SV2B: variants seen among roughly 807,000 people sequenced by gnomAD.
SV2B encodes synaptic vesicle glycoprotein 2B.
A neutral mutation model predicts 73.9 loss-of-function variants in SV2B; 41 were observed. That is an observed-to-expected ratio of 0.56 (90% confidence interval 0.43 to 0.72). SV2B has a LOEUF of 0.72. Ranked by LOEUF, SV2B falls within the 30% of genes least tolerant of loss-of-function variation. The pLI is 0.00. For synonymous variants in SV2B, 314 were observed against 314.2 expected (o/e 1.00, Z 0.01); for missense variants, 764 against 857.8 (o/e 0.89, Z 1.37).
rs201868956 is a variant in SV2B, at chr15:91,124,659, A to ATT, written c.-392+24296_-392+24297insTT. ...ACAGAAATTTCTTTCTTTCAACAAAAATTTTTTTTTTTTTGAGACAGTCTC... is the reference window on the plus strand; with the variant it reads ...ACAGAAATTTCTTTCTTTCAACAAAATTATTTTTTTTTTTTTGAGACAGTCTC... On this transcript the variant is annotated intron_variant, in intron 1 of 12. Transcript: ENST00000394232. This position sits in a 1 kb window ranked among gnomAD's most constrained non-coding sequence, Gnocchi z 4.6. 6.6e-6 allele frequency among the ~76,000 whole-genome samples: 1 copy of ATT among 151,472 alleles called. No individual in the cohort carries two copies. The highest frequency in any genetic ancestry group is 2.4e-5 in the African/African-American group (1 of 41,102).
In SV2B at chr15:91,197,554, C is replaced by G. The variant is rs60886065; in HGVS notation, c.-391-28319C>G. ...TGTTTTTAATAGAAGAAAAAAAAAACCAAACCAAACCAAACAAAACAAAAC... is the reference window on the plus strand; with the variant it reads ...TGTTTTTAATAGAAGAAAAAAAAAAGCAAACCAAACCAAACAAAACAAAAC... On this transcript the variant is annotated intron_variant, in intron 1 of 12. Transcript: ENST00000394232. The surrounding 1 kb of genome is among the most constrained non-coding windows in gnomAD (Gnocchi z 4.9). 2.0e-5 allele frequency among the ~76,000 whole-genome samples: 3 copies of G among 148,130 alleles called. No individual in the cohort carries two copies. The South Asian group carries it at 6.4e-4, about 31-fold the overall frequency.
At position 91,132,699 on chromosome 15, in the gene SV2B, C is replaced by T. The variant is rs1038816404; in HGVS notation, c.-392+32336C>T. ...TTGCCTCCAGACCCTATTTCTCCTGCCTCAGTGGCACATGCCTGTAGTCCC... is the reference window on the plus strand; with the variant it reads ...TTGCCTCCAGACCCTATTTCTCCTGTCTCAGTGGCACATGCCTGTAGTCCC... On this transcript the variant is annotated intron_variant, in intron 1 of 12. Coordinates refer to ENST00000394232, the MANE Select transcript of SV2B (RefSeq NM_001323032.3). This position sits in a 1 kb window ranked among gnomAD's most constrained non-coding sequence, Gnocchi z 4.6. Among the ~76,000 whole-genome samples, 2 of 152,006 alleles carry T rather than the reference C, an allele frequency of 1.3e-5. No individual in the cohort carries two copies. Among genetic ancestry groups the T allele is most frequent in the African/African-American group, 2.4e-5 (1 of 41,330 alleles).
chr15:91,247,271 C>A (rs1252123886), intron 2 of SV2B, among the ~76,000 whole-genome samples: 2 of 152,184 alleles, frequency 1.3e-5, no homozygotes, highest in Admixed American at 1.3e-4. Context: ...TTGACCCTTT[C>A]TGGGGCTCAG....
intron 1 of SV2B, among the ~76,000 whole-genome samples, chr15:91,184,614 G>GT (rs1266785539): frequency 2.0e-5 from 3 of 152,014 alleles, no homozygotes; most frequent in Non-Finnish European, 2.9e-5. Context: ...TCTTTAGCTT[G>GT]TTTTTTTCCA....
chr15:91,292,464 T>TCCC lies in SV2B; in HGVS notation c.1966_1968dup (p.Pro656dup). 6.2e-7 allele frequency: 1 copy of TCCC among 1,614,178 alleles called. No homozygotes were observed. The highest frequency in any genetic ancestry group is 8.5e-7 in the Non-Finnish European group (1 of 1,180,022). ...TCTTTTGTTGGGATAACCAAAGTGGTCCCCATCCTTCTGGCTGCTGCTTCT... is the reference window on the plus strand; with the variant it reads ...TCTTTTGTTGGGATAACCAAAGTGGTCCCCCCCATCCTTCTGGCTGCTGCTTCT... On this transcript the variant is annotated inframe_insertion, in exon 13 of 13. Coordinates refer to ENST00000394232, the MANE Select transcript of SV2B (RefSeq NM_001323032.3).
chr15:91,193,198 G>A (rs2045108627), intron 1 of SV2B, among the ~76,000 whole-genome samples: 2 of 152,156 alleles, frequency 1.3e-5, no homozygotes, highest in Non-Finnish European at 2.9e-5. Flanking sequence ...AAGACGTAAG[G>A]GAGCCCCTGC....
rs1434504577 is a variant in SV2B, at chr15:91,236,189, T to G, written c.451+9475T>G. ...TTGGCAATGTCACCTTCAAAGACTTTAATGAGTTGTTTTTCCTCCACAGTT... is the reference window on the plus strand; with the variant it reads ...TTGGCAATGTCACCTTCAAAGACTTGAATGAGTTGTTTTTCCTCCACAGTT... On this transcript the variant is annotated intron_variant, in intron 2 of 12. Transcript: ENST00000394232. This position sits in a 1 kb window ranked among gnomAD's most constrained non-coding sequence, Gnocchi z 4.1. Among the ~76,000 whole-genome samples the G allele has an allele frequency of 6.6e-6, 1 of 152,224 alleles. No individual in the cohort carries two copies. The highest frequency in any genetic ancestry group is 1.5e-5 in the Non-Finnish European group (1 of 68,040).
At position 91,143,282 on chromosome 15, in the gene SV2B, C is replaced by T. The variant is rs1213368380; in HGVS notation, c.-392+42919C>T. 3.9e-5 allele frequency among the ~76,000 whole-genome samples: 6 copies of T among 152,250 alleles called. No individual in the cohort carries two copies. In the East Asian group the frequency reaches 7.7e-4, roughly 20 times the overall value. On this transcript the variant is annotated intron_variant, in intron 1 of 12. Coordinates refer to ENST00000394232, the MANE Select transcript of SV2B (RefSeq NM_001323032.3). ...ACAGATGCCTGGGTCCTATTAGAGACGATTCAGTATGTCTAGAACGGCTCA... is the reference window on the plus strand; with the variant it reads ...ACAGATGCCTGGGTCCTATTAGAGATGATTCAGTATGTCTAGAACGGCTCA...
chr15:91,252,097 T>A lies in SV2B; in HGVS notation c.632+98T>A. The A allele has an allele frequency of 1.4e-6, 2 of 1,455,726 alleles. No homozygotes were observed. The highest frequency in any genetic ancestry group is 9.2e-7 in the Non-Finnish European group (1 of 1,082,630). 90.2% of individuals were successfully genotyped at this position (1,455,726 alleles called of 1,614,324 possible). A position where few individuals can be genotyped will look rare whatever the true frequency, so the allele number is the denominator to read the frequency against. On this transcript the variant is annotated intron_variant, in intron 3 of 12. Coordinates refer to ENST00000394232, the MANE Select transcript of SV2B (RefSeq NM_001323032.3). The surrounding 1 kb of genome is among the most constrained non-coding windows in gnomAD (Gnocchi z 4.6). ...GAGGTAACTCTAGAAACCCTTGGAC[T>A]GACTGAGTTTTTGTTTGACTTTCAG...
In SV2B at chr15:91,223,202, C is replaced by T. The variant is rs558947800; in HGVS notation, c.-391-2671C>T. ...AGCCATCCGAATGATCTCATCTTAA[C>T]TTGATTACCTCTGGAAAGACTCTAT... On this transcript the variant is annotated intron_variant, in intron 1 of 12. Coordinates refer to ENST00000394232, the MANE Select transcript of SV2B (RefSeq NM_001323032.3). The surrounding 1 kb of genome is among the most constrained non-coding windows in gnomAD (Gnocchi z 4.6). Among the ~76,000 whole-genome samples, 8 of 152,312 alleles carry T rather than the reference C, an allele frequency of 5.3e-5. No homozygotes were observed. The highest frequency in any genetic ancestry group is 1.9e-4 in the African/African-American group (8 of 41,564).
intron 1 of SV2B, among the ~76,000 whole-genome samples, chr15:91,171,549 G>A (rs978351708): frequency 6.6e-6 from 1 of 152,116 alleles, no homozygotes; most frequent in Admixed American, 6.5e-5. Flanking sequence ...GGTTTGGGTC[G>A]TGTGTCATGT....
rs1555470672 is a variant in SV2B at position 91,137,609 on chromosome 15, T to TATATAC, written c.-392+37251_-392+37252insCATATA. Among the ~76,000 whole-genome samples the TATATAC allele has an allele frequency of 0.026, 3,582 of 138,128 alleles. 173 individuals are homozygous for TATATAC. The highest frequency in any genetic ancestry group is 0.084 in the African/African-American group (3,111 of 37,216). The allele number at this position is 138,128 out of a possible 152,430, so 90.6% of individuals were successfully genotyped here. On this transcript the variant is annotated intron_variant, in intron 1 of 12. Coordinates refer to ENST00000394232, the MANE Select transcript of SV2B (RefSeq NM_001323032.3). This position sits in a 1 kb window ranked among gnomAD's most constrained non-coding sequence, Gnocchi z 4.9. ...ATTTCTCATATATATATATATTTCATATATATATTTCATATATACATATAT... is the reference window on the plus strand; with the variant it reads ...ATTTCTCATATATATATATATTTCATATATACATATATATTTCATATATACATATAT...
At chr15:91,152,526 T>A (rs1596483298) in intron 1 of SV2B, among the ~76,000 whole-genome samples, 3 of 152,354 alleles carry the variant, frequency 2.0e-5, no homozygotes, top group African/African-American at 7.2e-5. Flanking sequence ...CTTAAATAGA[T>A]GCATTACAAA....
intron 9 of SV2B, among the ~76,000 whole-genome samples, chr15:91,279,660 G>A (rs539459331): frequency 6.6e-6 from 1 of 152,320 alleles, no homozygotes; most frequent in South Asian, 2.1e-4. Context: ...ACCCATTTAT[G>A]ATTTATGGCT....
At chr15:91,179,135 T>G (rs1396038752) in intron 1 of SV2B, among the ~76,000 whole-genome samples, 1 of 152,194 alleles carries the variant, frequency 6.6e-6, no homozygotes, top group African/African-American at 2.4e-5. Flanking sequence ...TATTTCTGCC[T>G]TCATTTTGTT....
chr15:91,117,067 G>A (rs534814805), intron 1 of SV2B, among the ~76,000 whole-genome samples: 211 of 152,256 alleles, frequency 1.4e-3, no homozygotes, highest in Non-Finnish European at 2.5e-3. Context: ...ACAGGCAAAC[G>A]ATATCAATAG....
intron 1 of SV2B, among the ~76,000 whole-genome samples, chr15:91,164,001 C>T (rs895638514): frequency 6.6e-6 from 1 of 152,144 alleles, no homozygotes; most frequent in Non-Finnish European, 1.5e-5. Context: ...GTTTTCCCAG[C>T]ACCATTTATT....
intron 1 of SV2B, among the ~76,000 whole-genome samples, chr15:91,169,385 C>T (rs988883864): frequency 6.6e-6 from 1 of 151,842 alleles, no homozygotes; most frequent in Non-Finnish European, 1.5e-5. Flanking sequence ...GCTCAGTAAA[C>T]ATCTGTCCAG....
intron 1 of SV2B, among the ~76,000 whole-genome samples, chr15:91,165,443 T>TTA (rs766881211): frequency 1.3e-5 from 2 of 152,244 alleles, no homozygotes; most frequent in Non-Finnish European, 2.9e-5. Context: ...TACATAGCAC[T>TTA]TATATTGTAT....
Sources: gnomAD v4.1 joint callset for allele counts (sites outside exome capture counted in the v4.1 genomes callset) on GRCh38, gnomAD v4.1.1 for gene constraint, Gnocchi (gnomAD v3.1) non-coding constraint, MANE v1.5 for transcripts, NCBI Gene and HGNC (gene_info 2026-07-23, HGNC 2026-07-21) for gene names.